ADAMTSL1: variants seen among roughly 807,000 people sequenced by gnomAD.
ADAMTSL1 encodes ADAMTS like 1, also known as ADAMTS-like protein 1.
ADAMTSL1 carries 126 observed loss-of-function variants against 201.8 expected under a neutral mutation model. That is an observed-to-expected ratio of 0.62 (90% confidence interval 0.54 to 0.72). The LOEUF (loss-of-function observed/expected upper bound fraction) is 0.72, where lower values mean the gene tolerates loss of function less well. Ranked by LOEUF, ADAMTSL1 falls within the 30% of genes least tolerant of loss-of-function variation. ADAMTSL1 has a pLI of 0.00. For synonymous variants in ADAMTSL1, 1,121 were observed against 903.4 expected (o/e 1.24, Z -4.32); for missense variants, 2,679 against 2,277.8 (o/e 1.18, Z -3.59).
At chr9:18,167,686 A>G (rs1200576264) in intron 2 of ADAMTSL1, among the ~76,000 whole-genome samples, 1 of 151,990 alleles carries the variant, frequency 6.6e-6, no homozygotes, top group African/African-American at 2.4e-5. Flanking sequence ...GTAAAATGGA[A>G]TATAACTATT....
intron 1 of ADAMTSL1, among the ~76,000 whole-genome samples, chr9:18,056,971 C>T (rs1157618227): frequency 6.6e-6 from 1 of 152,136 alleles, no homozygotes; most frequent in Admixed American, 6.5e-5. Flanking sequence ...CACTACTGCA[C>T]TACTGTTCAA....
intron 16 of ADAMTSL1, among the ~76,000 whole-genome samples, 164 bp from the exon 17 acceptor site, chr9:18,770,438 C>G (rs1276021120): frequency 2.0e-5 from 3 of 152,118 alleles, no homozygotes; most frequent in African/African-American, 7.2e-5. Context: ...CAAAATTCAT[C>G]TCAAAGAGAA....
At chr9:18,191,372 T>G (rs1828962408) in intron 2 of ADAMTSL1, among the ~76,000 whole-genome samples, 2 of 152,118 alleles carry the variant, frequency 1.3e-5, no homozygotes, top group African/African-American at 4.8e-5. Flanking sequence ...GGCCCTGCAT[T>G]GACTGGGAGG....
intron 5 of ADAMTSL1, among the ~76,000 whole-genome samples, chr9:18,629,257 G>A (rs1826588859): frequency 6.6e-6 from 1 of 151,506 alleles, no homozygotes; most frequent in Non-Finnish European, 1.5e-5. Context: ...TAGTCTTATT[G>A]TACTGGCTAC....
intron 4 of ADAMTSL1, among the ~76,000 whole-genome samples, chr9:18,586,074 G>A (rs1470902844): frequency 1.3e-5 from 2 of 152,078 alleles, no homozygotes; most frequent in Non-Finnish European, 2.9e-5. Context: ...ACATCATATT[G>A]GAAGTGCTGG....
intron 1 of ADAMTSL1, among the ~76,000 whole-genome samples, chr9:17,942,588 G>T (rs1477214221): frequency 6.6e-6 from 1 of 152,112 alleles, no homozygotes; most frequent in Non-Finnish European, 1.5e-5. Context: ...CATGGCCTAG[G>T]AAGAATTTGT....
At chr9:18,322,643 A>G (rs1029191393) in intron 2 of ADAMTSL1, among the ~76,000 whole-genome samples, 3 of 152,206 alleles carry the variant, frequency 2.0e-5, no homozygotes, top group South Asian at 4.1e-4. Context: ...CTCAACAACA[A>G]CAACAACAAA....
At chr9:18,624,877 T>A (rs1287209291) in intron 5 of ADAMTSL1, among the ~76,000 whole-genome samples, 2 of 152,202 alleles carry the variant, frequency 1.3e-5, no homozygotes, top group African/African-American at 4.8e-5. Context: ...TGATTATACA[T>A]ACTGACAAAA....
intron 2 of ADAMTSL1, among the ~76,000 whole-genome samples, chr9:18,325,614 G>A (rs913429830): frequency 6.6e-6 from 1 of 152,192 alleles, no homozygotes; most frequent in Non-Finnish European, 1.5e-5. Flanking sequence ...TGGAGGCTGG[G>A]AAGTCCAAGA....
chr9:18,854,607 G>A (rs1826725991), intron 23 of ADAMTSL1, among the ~76,000 whole-genome samples: 2 of 152,158 alleles, frequency 1.3e-5, no homozygotes. Context: ...ATGGATGCTA[G>A]AGATGTCGGT....
chr9:18,865,154 A>G (rs1475380574), intron 23 of ADAMTSL1, among the ~76,000 whole-genome samples: 2 of 151,760 alleles, frequency 1.3e-5, no homozygotes, highest in Non-Finnish European at 2.9e-5. Flanking sequence ...CTCGTCATTT[A>G]ACATTAGGTA....
At chr9:18,314,005 A>AGG (rs1834254770) in intron 2 of ADAMTSL1, among the ~76,000 whole-genome samples, 1 of 151,990 alleles carries the variant, frequency 6.6e-6, no homozygotes, top group African/African-American at 2.4e-5. Flanking sequence ...TGACCCAACT[A>AGG]AAAAAAATGG....
intron 2 of ADAMTSL1, among the ~76,000 whole-genome samples, chr9:18,324,576 C>T (rs1834753276): frequency 6.6e-6 from 1 of 151,972 alleles, no homozygotes; most frequent in Non-Finnish European, 1.5e-5. Context: ...ACCAGCCTGA[C>T]CAACACGGTG....
At chr9:18,574,943 T>G (rs10756977) in intron 4 of ADAMTSL1, among the ~76,000 whole-genome samples, 38,739 of 152,028 alleles carry the variant, frequency 0.25, 5,455 homozygotes, top group East Asian at 0.65. Flanking sequence ...CAGGTCCACT[T>G]TTTGGATTAG....
At chr9:18,846,917 C>T (rs907246207) in intron 23 of ADAMTSL1, among the ~76,000 whole-genome samples, 1 of 152,126 alleles carries the variant, frequency 6.6e-6, no homozygotes, top group Admixed American at 6.5e-5. Context: ...CTCTCATGTA[C>T]CTCCTAGTGG....
chr9:18,304,610 T>A (rs1833836320), intron 2 of ADAMTSL1, among the ~76,000 whole-genome samples: 1 of 151,872 alleles, frequency 6.6e-6, no homozygotes, highest in Non-Finnish European at 1.5e-5. Flanking sequence ...CATTTGGTAT[T>A]GCTGATCTAG....
chr9:18,804,067 G>C (rs1174177189), intron 20 of ADAMTSL1, among the ~76,000 whole-genome samples: 1 of 152,166 alleles, frequency 6.6e-6, no homozygotes, highest in Non-Finnish European at 1.5e-5. Flanking sequence ...GTTATAAACA[G>C]AGGGATTTAA....
intron 1 of ADAMTSL1, among the ~76,000 whole-genome samples, chr9:18,479,796 A>G (rs980229339): frequency 3.3e-5 from 5 of 152,210 alleles, no homozygotes; most frequent in African/African-American, 1.2e-4. Context: ...AATAAGAATG[A>G]CTTGGCAAGA....
At chr9:18,460,514 A>G (rs1454071511) in intron 2 of ADAMTSL1, among the ~76,000 whole-genome samples, 1 of 152,136 alleles carries the variant, frequency 6.6e-6, no homozygotes, top group Non-Finnish European at 1.5e-5. Context: ...CGGTTGTGAA[A>G]AATTATTTAT....
Sources: allele counts gnomAD v4.1 joint callset (sites outside exome capture counted in the v4.1 genomes callset), GRCh38; gene constraint gnomAD v4.1.1; transcripts MANE v1.5; gene names NCBI Gene and HGNC (gene_info 2026-07-23, HGNC 2026-07-21).